PPIL2: variants seen among roughly 807,000 people sequenced by gnomAD.
PPIL2 encodes the protein RING-type E3 ubiquitin-protein ligase PPIL2.
PPIL2 carries 50 observed loss-of-function variants against 75.2 expected under a neutral mutation model. The ratio of observed to expected loss-of-function variants is 0.66; its 90% CI spans 0.53 to 0.84. PPIL2 has a LOEUF of 0.84. Ranked by LOEUF, PPIL2 falls within the 40% of genes least tolerant of loss-of-function variation. The pLI is 0.00. For missense variants in PPIL2, 590 were observed against 685.0 expected (o/e 0.86, Z 1.55); for synonymous variants, 245 against 258.8 (o/e 0.95, Z 0.51).
Position 21,681,358 on chromosome 22 carries a change from G to T in PPIL2, c.355G>T (p.Val119Leu). The T allele has an allele frequency of 6.2e-7, 1 of 1,614,186 alleles. No individual in the cohort carries two copies. The highest frequency in any genetic ancestry group is 8.5e-7 in the Non-Finnish European group (1 of 1,179,990). The change falls in exon 7 of 20, where the codon GTG becomes TTG. Residue 119 changes from valine to leucine, a missense_variant. Val to Leu is a conservative substitution (Grantham distance 32). Coordinates refer to ENST00000398831, the MANE Select transcript of PPIL2 (RefSeq NM_014337.4). Reference sequence around the variant, plus strand: ...CACCAACAACACCCACATCGTGGCTGTGAGGACGACCGGCAACGTCTACGC... The same window carrying T: ...CACCAACAACACCCACATCGTGGCTTTGAGGACGACCGGCAACGTCTACGC... The part of the protein sequence containing the change: ...VFTNNTHIVA[V>L]RTTGNVYAYE...
chr22:21,666,035 G>A lies in PPIL2; in HGVS notation c.-65G>A. 6.3e-7 allele frequency: 1 copy of A among 1,575,970 alleles called. No individual in the cohort carries two copies. The highest frequency in any genetic ancestry group is 8.6e-7 in the Non-Finnish European group (1 of 1,156,070). ...GAAGTGGTCACGGAACTCGGCTGCG[G>A]CTCCATGGTCTGAGTTGTCAGCCGT... On this transcript the variant is annotated 5_prime_UTR_variant, in exon 1 of 20. Coordinates refer to ENST00000398831, the MANE Select transcript of PPIL2 (RefSeq NM_014337.4).
chr22:21,670,537 T>C, intron 2 of PPIL2, 29 bp from the exon 3 acceptor site: 1 of 1,583,452 alleles, frequency 6.3e-7, no homozygotes, highest in East Asian at 2.2e-5. Context: ...CAGAGTAAGA[T>C]TTCTGTTTTT....
At chr22:21,691,884 G>C (rs1164328894) in intron 15 of PPIL2, among the ~76,000 whole-genome samples, 1 of 152,180 alleles carries the variant, frequency 6.6e-6, no homozygotes, top group South Asian at 2.1e-4. Flanking sequence ...TGGTGGCCTC[G>C]GGTGTGGTCA....
intron 5 of PPIL2, among the ~76,000 whole-genome samples, chr22:21,674,082 C>G (rs1346071535): frequency 6.6e-6 from 1 of 152,152 alleles, no homozygotes; most frequent in Non-Finnish European, 1.5e-5. Flanking sequence ...CAGCTTAGGG[C>G]CCAGCCCCAG....
At position 21,696,123 on chromosome 22, in the gene PPIL2, C is replaced by A; in HGVS notation, c.*633C>A. 1.0e-6 allele frequency: 1 copy of A among 994,970 alleles called. No homozygotes were observed. The highest frequency in any genetic ancestry group is 1.7e-5 in the African/African-American group (1 of 57,364). 61.6% of individuals were successfully genotyped at this position (994,970 alleles called of 1,614,324 possible). On this transcript the variant is annotated 3_prime_UTR_variant, in exon 20 of 20. Transcript: ENST00000398831. ...CCCCAGACTTACTGAGCCTAAGCCT[C>A]TGCAGGGTGGGCTTCTCGGTCTGTT...
chr22:21,672,732 G>A (rs376628882), intron 5 of PPIL2, among the ~76,000 whole-genome samples: 4 of 152,170 alleles, frequency 2.6e-5, no homozygotes, highest in African/African-American at 9.7e-5. Context: ...ATGCAGCCTG[G>A]TTCCGAGGGA....
chr22:21,698,697 C>T (rs2068029842), downstream of PPIL2: 1 of 152,412 alleles, frequency 6.6e-6, no homozygotes, highest in Non-Finnish European at 1.5e-5. Context: ...AGACAATTGA[C>T]TGAAGCCACA....
In PPIL2 at chr22:21,695,644, A is replaced by G. The variant is rs1010647532; in HGVS notation, c.*154A>G. Reference sequence around the variant, plus strand: ...CCCCTTTCCTGGCCCCTGGGAGCCCACAGCCTTCCCATCCCTTAACCTGTT... The same window carrying G: ...CCCCTTTCCTGGCCCCTGGGAGCCCGCAGCCTTCCCATCCCTTAACCTGTT... On this transcript the variant is annotated 3_prime_UTR_variant, in exon 20 of 20. Coordinates refer to ENST00000398831, the MANE Select transcript of PPIL2 (RefSeq NM_014337.4). 43 of 1,457,374 alleles carry G rather than the reference A, an allele frequency of 3.0e-5. No homozygotes were observed. The highest frequency in any genetic ancestry group is 3.7e-5 in the Non-Finnish European group (41 of 1,101,536). The allele number at this position is 1,457,374 out of a possible 1,614,324, so 90.3% of individuals were successfully genotyped here. A position where few individuals can be genotyped will look rare whatever the true frequency, so the allele number is the denominator to read the frequency against.
intron 9 of PPIL2, among the ~76,000 whole-genome samples, chr22:21,684,470 A>AAG (rs1555897455): frequency 4.7e-5 from 7 of 147,748 alleles, no homozygotes; most frequent in African/African-American, 1.6e-4. Context: ...AAAAAAAAAA[A>AAG]AAAAAGAAAA....
At position 21,677,302 on chromosome 22, in the gene PPIL2, G is replaced by T. The variant is rs113509137; in HGVS notation, c.295+2187G>T. Among the ~76,000 whole-genome samples, 43 of 152,168 alleles carry T rather than the reference G, an allele frequency of 2.8e-4. 1 individual carries two copies. The highest frequency in any genetic ancestry group is 6.2e-4 in the Non-Finnish European group (42 of 68,016). ...TCACATCCCAGACAGGGTGGCGGCC[G>T]GGCAGAGGCTGCAATCTCGGCACTT... is the stretch of plus-strand genomic sequence containing the variant. On this transcript the variant is annotated intron_variant, in intron 6 of 19. Transcript: ENST00000398831.
rs752275953 is a variant in PPIL2 at position 21,675,126 on chromosome 22, C to T, written c.295+11C>T. On this transcript the variant is annotated intron_variant, in intron 6 of 19. Coordinates refer to ENST00000398831, the MANE Select transcript of PPIL2 (RefSeq NM_014337.4). The stretch of plus-strand genomic sequence containing the variant: ...CCAAGAACAGTGAGGGTGAGTGGAA[C>T]TATCACAGCCAATTCTGGGCTTGAC... The T allele has an allele frequency of 1.2e-6, 2 of 1,610,338 alleles. No individual in the cohort carries two copies. Among genetic ancestry groups the T allele is most frequent in the Non-Finnish European group, 1.7e-6 (2 of 1,176,592 alleles).
Position 21,695,487 on chromosome 22 carries a change from G to A in PPIL2, c.1560G>A (p.Trp520Ter), listed in dbSNP as rs1407115776. The change falls in exon 20 of 20, where the codon TGG (tryptophan) becomes TGA (stop). Residue 520 changes from tryptophan to a stop codon, truncating the protein, a stop_gained. Coordinates refer to ENST00000398831, the MANE Select transcript of PPIL2 (RefSeq NM_014337.4). LOFTEE classifies it high-confidence loss of function. ...GGGGTTTTGGGGACTTCAGCTCCTG[G>A]TAGCAGCAGGTTGGCCGCTGTGGAC... ...PSRGFGDFSS[W>*] is the part of the protein sequence containing the mutation. The A allele has an allele frequency of 2.5e-6, 4 of 1,595,750 alleles. No individual in the cohort carries two copies. The highest frequency in any genetic ancestry group is 3.4e-6 in the Non-Finnish European group (4 of 1,170,568).
At chr22:21,672,206 C>A (rs776528737) in intron 4 of PPIL2, 124 bp from the exon 5 acceptor site, 6 of 755,688 alleles carry the variant, frequency 7.9e-6, no homozygotes, top group South Asian at 1.5e-5. Context: ...CTCTTCCTCT[C>A]CTAAAGTGAA....
In PPIL2 at chr22:21,696,012, A is replaced by C; in HGVS notation, c.*522A>C. 1.9e-6 allele frequency: 1 copy of C among 533,816 alleles called. No individual in the cohort carries two copies. Among genetic ancestry groups the C allele is most frequent in the Non-Finnish European group, 2.4e-6 (1 of 412,140 alleles). 33.1% of individuals were successfully genotyped at this position (533,816 alleles called of 1,614,324 possible). ...GTATATGTCTGGTTTTCTTACCCCT[A>C]CTTCTGTCATCTTCTCAGGGACAGC... On this transcript the variant is annotated 3_prime_UTR_variant, in exon 20 of 20. Transcript: ENST00000398831.
chr22:21,673,000 A>C (rs1309081560), intron 5 of PPIL2, among the ~76,000 whole-genome samples: 1 of 152,198 alleles, frequency 6.6e-6, no homozygotes, highest in African/African-American at 2.4e-5. Flanking sequence ...TGGGGGCTGC[A>C]GGGTTCTGGG....
chr22:21,686,922 A>G lies in PPIL2; in HGVS notation c.821A>G (p.Gln274Arg), dbSNP rs2067390348. The change falls in exon 12 of 20, where the codon CAG becomes CGG. Residue 274 changes from glutamine (Q) to arginine (R), a missense_variant. Coordinates refer to ENST00000398831, the MANE Select transcript of PPIL2 (RefSeq NM_014337.4). ...AAIDEDVLRY[Q>R]FVKKKGYVRL... ...ATCGACGAGGATGTGCTGCGCTACC[A>G]GTTTGTGAAGAAGAAGGGCTACGTG... 3.7e-6 allele frequency: 6 copies of G among 1,614,068 alleles called. No homozygotes were observed. Among genetic ancestry groups the G allele is most frequent in the Non-Finnish European group, 5.1e-6 (6 of 1,180,008 alleles).
At position 21,696,352 on chromosome 22, in the gene PPIL2, CTGTGAGAACAAGTGGA is replaced by C; in HGVS notation, c.*866_*881del. ...ACTGGGTTGAGGCCAGTGTCTCCTG[CTGTGAGAACAAGTGGA>C]TGTCCCTCTCCCCGCCCTCCTGCTG... On this transcript the variant is annotated 3_prime_UTR_variant, in exon 20 of 20. Transcript: ENST00000398831. 8.8e-6 allele frequency: 10 copies of C among 1,137,506 alleles called. No homozygotes were observed. The highest frequency in any genetic ancestry group is 1.1e-5 in the Non-Finnish European group (10 of 919,332). 70.5% of individuals were successfully genotyped at this position (1,137,506 alleles called of 1,614,324 possible). A position where few individuals can be genotyped will look rare whatever the true frequency, so the allele number is the denominator to read the frequency against.
In PPIL2 at chr22:21,696,391, C is replaced by CTGAAG. The variant is rs951970168; in HGVS notation, c.*904_*908dup. 3 of 1,155,392 alleles carry CTGAAG rather than the reference C, an allele frequency of 2.6e-6. No homozygotes were observed. Among genetic ancestry groups the CTGAAG allele is most frequent in the Non-Finnish European group, 3.2e-6 (3 of 929,636 alleles). The allele number at this position is 1,155,392 out of a possible 1,614,324, so 71.6% of individuals were successfully genotyped here. On this transcript the variant is annotated 3_prime_UTR_variant, in exon 20 of 20. Transcript: ENST00000398831. ...GGATGTCCCTCTCCCCGCCCTCCTG[C>CTGAAG]TGAAGTGGCCTTGCTGCTCTCAGGC...
At chr22:21,694,008 C>A in intron 16 of PPIL2, 136 bp downstream of exon 16, 1 of 965,574 alleles carries the variant, frequency 1.0e-6, no homozygotes, top group Non-Finnish European at 1.6e-6. Context: ...GGGGTTGAGG[C>A]TATGCAGAGC....
Sources: gnomAD v4.1 joint callset for allele counts (sites outside exome capture counted in the v4.1 genomes callset) on GRCh38, gnomAD v4.1.1 for gene constraint, MANE v1.5 for transcripts, NCBI Gene and HGNC (gene_info 2026-07-23, HGNC 2026-07-21) for gene names.